The following GSE1 variants were observed in gnomAD, a reference collection of about 807,000 sequenced individuals.
The protein encoded by GSE1 is genetic suppressor element 1.
A neutral mutation model predicts 112.6 loss-of-function variants in GSE1; 32 were observed. The ratio of observed to expected loss-of-function variants is 0.28; its 90% CI spans 0.21 to 0.38. The LOEUF (loss-of-function observed/expected upper bound fraction) is 0.38, where lower values mean the gene tolerates loss of function less well. Ranked by LOEUF, GSE1 falls within the 10% of genes least tolerant of loss-of-function variation. The probability of loss-of-function intolerance (pLI) is 1.00; values close to 1 mark genes in which losing one functional copy is unlikely to be tolerated. For missense variants in GSE1, 2,348 were observed against 1,699.2 expected (o/e 1.38, Z -6.71); for synonymous variants, 1,115 against 735.6 (o/e 1.52, Z -8.35).
intron 1 of GSE1, among the ~76,000 whole-genome samples, chr16:85,208,180 G>T (rs1443998191): frequency 6.6e-6 from 1 of 152,168 alleles, no homozygotes; most frequent in African/African-American, 2.4e-5. Flanking sequence ...TCTAGCCTCA[G>T]TTTCCCTGGT....
chr16:85,583,816 A>G (rs1483574815), intron 1 of GSE1, among the ~76,000 whole-genome samples: 6 of 152,138 alleles, frequency 3.9e-5, no homozygotes, highest in African/African-American at 1.4e-4. Context: ...AGAAAAGGCA[A>G]TTGCTGGAGG....
intron 1 of GSE1, among the ~76,000 whole-genome samples, chr16:85,320,313 C>G (rs551857769): frequency 2.0e-5 from 3 of 152,206 alleles, no homozygotes; most frequent in Admixed American, 2.0e-4. Context: ...CTTTCGCTCA[C>G]GCAGAACACC....
At chr16:85,355,144 G>A (rs932976779) in intron 1 of GSE1, among the ~76,000 whole-genome samples, 32 of 152,176 alleles carry the variant, frequency 2.1e-4, no homozygotes, top group African/African-American at 7.2e-4. Context: ...TGCAGAGCTG[G>A]TGGGGCCTGC....
intron 1 of GSE1, among the ~76,000 whole-genome samples, chr16:85,332,282 T>G (rs576507618): frequency 1.1e-4 from 17 of 152,322 alleles, no homozygotes; most frequent in Admixed American, 3.3e-4. Context: ...TCTGTATGCC[T>G]TGGTCTCCCA....
chr16:85,292,328 G>GT (rs57225210), intron 1 of GSE1, among the ~76,000 whole-genome samples: 109,225 of 140,586 alleles, frequency 0.78, 42,528 homozygotes, highest in East Asian at 0.91. Flanking sequence ...TTTTGTTTTT[G>GT]TTTTTTTTTT....
rs1187366231 is a variant in GSE1, at chr16:85,191,850, C to T, written c.2283+20043C>T. Among the ~76,000 whole-genome samples, 8 of 152,034 alleles carry T rather than the reference C, an allele frequency of 5.3e-5. 1 individual carries two copies. The highest frequency in any genetic ancestry group is 4.6e-4 in the Admixed American group (7 of 15,258). On this transcript the variant is annotated intron_variant, in intron 1 of 2. Coordinates refer to the GSE1 transcript ENST00000637419. ...CTAGAAGATTTCCCTGACACCATGA[C>T]GGATAGACTTGGGTGGTGGGACGGT...
chr16:85,662,443 C>A (rs1011939417), intron 9 of GSE1: 2 of 153,568 alleles, frequency 1.3e-5, no homozygotes, highest in Non-Finnish European at 2.9e-5. Flanking sequence ...AGGCGGTCTT[C>A]CTGGTTGTTG....
chr16:85,533,701 A>C (rs2044216443), intron 2 of GSE1, among the ~76,000 whole-genome samples: 1 of 152,100 alleles, frequency 6.6e-6, no homozygotes, highest in African/African-American at 2.4e-5. Context: ...CCATCTCTAC[A>C]AAAAATTTTA....
intron 1 of GSE1, chr16:85,284,906 C>G (rs778515988): frequency 2.6e-5 from 4 of 152,102 alleles, no homozygotes; most frequent in Non-Finnish European, 5.9e-5. Context: ...TAATCACAGA[C>G]CAGAATTTGA....
intron 3 of GSE1, among the ~76,000 whole-genome samples, chr16:85,649,571 G>A (rs1295346236): frequency 6.6e-6 from 1 of 152,162 alleles, no homozygotes; most frequent in Non-Finnish European, 1.5e-5. Context: ...CTGGCACTGG[G>A]AGCTGCTCTT....
intron 1 of GSE1, among the ~76,000 whole-genome samples, chr16:85,327,963 A>G (rs2046260237): frequency 6.6e-6 from 1 of 152,162 alleles, no homozygotes; most frequent in Non-Finnish European, 1.5e-5. Flanking sequence ...CCACCCCCAG[A>G]TCGCCTGGTA....
intron 2 of GSE1, among the ~76,000 whole-genome samples, chr16:85,390,263 G>A (rs1259034485): frequency 1.3e-5 from 2 of 152,236 alleles, no homozygotes; most frequent in Non-Finnish European, 1.5e-5. Flanking sequence ...TCACAGGCAC[G>A]GTTCTGCTGG....
chr16:85,445,241 G>C (rs1053087395), intron 2 of GSE1, among the ~76,000 whole-genome samples: 3 of 152,212 alleles, frequency 2.0e-5, no homozygotes, highest in Non-Finnish European at 4.4e-5. Context: ...CAGCTGCCAC[G>C]TGCGGTAATT....
intron 2 of GSE1, among the ~76,000 whole-genome samples, chr16:85,475,788 T>C (rs1419686371): frequency 4.8e-5 from 7 of 146,698 alleles, no homozygotes; most frequent in African/African-American, 1.5e-4. Flanking sequence ...TTTTTTTTTT[T>C]TTTTTTTTTT....
At chr16:85,202,945 G>T (rs74031726) in intron 1 of GSE1, among the ~76,000 whole-genome samples, 1 of 148,230 alleles carries the variant, frequency 6.7e-6, no homozygotes, top group Non-Finnish European at 1.5e-5. Context: ...CTCTCCCTTC[G>T]CCTCCTCCCC....
At chr16:85,578,899 CG>C (rs1254773457) in intron 1 of GSE1, among the ~76,000 whole-genome samples, 1 of 151,402 alleles carries the variant, frequency 6.6e-6, no homozygotes, top group Non-Finnish European at 1.5e-5. Context: ...CATCTTACTG[CG>C]TCTCCTCAAC....
intron 2 of GSE1, among the ~76,000 whole-genome samples, chr16:85,506,509 A>T (rs1470257866): frequency 6.6e-6 from 1 of 152,086 alleles, no homozygotes; most frequent in Non-Finnish European, 1.5e-5. Flanking sequence ...GAGCCAGAAG[A>T]GCAGGGCCCG....
At chr16:85,434,618 G>A (rs1004022267) in intron 2 of GSE1, among the ~76,000 whole-genome samples, 1 of 152,154 alleles carries the variant, frequency 6.6e-6, no homozygotes, top group Non-Finnish European at 1.5e-5. Flanking sequence ...AGGAGTTCAA[G>A]ACCAGCCTGG....
intron 1 of GSE1, among the ~76,000 whole-genome samples, chr16:85,227,415 T>TA (rs1957377567): frequency 6.6e-6 from 1 of 152,222 alleles, no homozygotes; most frequent in African/African-American, 2.4e-5. Context: ...TGATCAGCTC[T>TA]ATCTTGCAAG....
Sources: allele counts gnomAD v4.1 joint callset (sites outside exome capture counted in the v4.1 genomes callset), GRCh38; gene constraint gnomAD v4.1.1; transcripts MANE v1.5; gene names NCBI Gene and HGNC (gene_info 2026-07-23, HGNC 2026-07-21).